GALNTL6: variants seen among roughly 807,000 people sequenced by gnomAD.
GALNTL6 encodes the protein polypeptide N-acetylgalactosaminyltransferase-like 6.
GALNTL6 carries 46 observed loss-of-function variants against 73.7 expected under a neutral mutation model. The observed-to-expected ratio is 0.62, with a 90% confidence interval of 0.49 to 0.80. GALNTL6 has a LOEUF of 0.80. Ranked by LOEUF, GALNTL6 falls within the 30% of genes least tolerant of loss-of-function variation. GALNTL6 has a pLI of 0.00. For synonymous variants in GALNTL6, 259 were observed against 263.7 expected (o/e 0.98, Z 0.17); for missense variants, 604 against 755.0 (o/e 0.80, Z 2.34).
intron 2 of GALNTL6, among the ~76,000 whole-genome samples, chr4:172,077,892 C>T (rs1030294800): frequency 6.6e-6 from 1 of 152,144 alleles, no homozygotes; most frequent in Non-Finnish European, 1.5e-5. Flanking sequence ...GGGCCAGGCC[C>T]AGGGCTCAGG....
intron 3 of GALNTL6, chr4:172,266,457 T>C (rs1738455284): frequency 6.6e-6 from 1 of 152,112 alleles, no homozygotes; most frequent in Non-Finnish European, 1.5e-5. Context: ...TCTACTTATA[T>C]TTCAGCAACT....
At chr4:172,892,369 T>C (rs1208510724) in intron 8 of GALNTL6, among the ~76,000 whole-genome samples, 1 of 152,156 alleles carries the variant, frequency 6.6e-6, no homozygotes, top group East Asian at 1.9e-4. Flanking sequence ...GTATAGTTGA[T>C]TGTCTTCATT....
At chr4:172,177,113 A>G (rs6553614) in intron 2 of GALNTL6, among the ~76,000 whole-genome samples, 65,947 of 151,980 alleles carry the variant, frequency 0.43, 15,063 homozygotes, top group African/African-American at 0.58. Flanking sequence ...GGCAACAAGA[A>G]GGAAGTAGTC....
chr4:171,828,245 T>C (rs1734876256), intron 2 of GALNTL6, among the ~76,000 whole-genome samples: 2 of 152,200 alleles, frequency 1.3e-5, no homozygotes, highest in Admixed American at 6.5e-5. Context: ...GAGCATCTGC[T>C]TAAAACACTG....
At chr4:172,206,814 G>GTTTTTTTTTTTTT (rs796625697) in intron 2 of GALNTL6, among the ~76,000 whole-genome samples, 7 of 57,964 alleles carry the variant, frequency 1.2e-4, no homozygotes, top group African/African-American at 3.5e-4. Context: ...TGTTTTTTTT[G>GTTTTTTTTTTTTT]TTTGTTTTTT....
Position 173,041,465 on chromosome 4 carries a change from T to G in GALNTL6, c.*1365T>G, listed in dbSNP as rs1250857767. On this transcript the variant is annotated 3_prime_UTR_variant, in exon 13 of 13. Coordinates refer to ENST00000506823, the MANE Select transcript of GALNTL6 (RefSeq NM_001034845.3). ...AAAAGAATCATGTTTATTATATATC[T>G]CTCAAGTTTTTTTGGTATAAAAATG... 1 of 152,198 alleles carries G rather than the reference T, an allele frequency of 6.6e-6. No homozygotes were observed. 9.4% of individuals were successfully genotyped at this position (152,198 alleles called of 1,614,324 possible). A position where few individuals can be genotyped will look rare whatever the true frequency, so the allele number is the denominator to read the frequency against.
At chr4:172,748,910 G>C (rs1737267212) in intron 5 of GALNTL6, among the ~76,000 whole-genome samples, 1 of 150,072 alleles carries the variant, frequency 6.7e-6, no homozygotes, top group Non-Finnish European at 1.5e-5. Context: ...TGTTGTTGTT[G>C]TTGTTGTTGT....
chr4:172,245,985 C>A (rs1737644090), intron 3 of GALNTL6, among the ~76,000 whole-genome samples: 1 of 152,034 alleles, frequency 6.6e-6, no homozygotes, highest in Admixed American at 6.6e-5. Flanking sequence ...CATAGAGCAT[C>A]CTCTGGAAAG....
intron 2 of GALNTL6, among the ~76,000 whole-genome samples, chr4:172,098,876 C>T (rs1443746148): frequency 6.6e-6 from 1 of 151,964 alleles, no homozygotes; most frequent in African/African-American, 2.4e-5. Flanking sequence ...TACTCCACCC[C>T]CAAACAAATT....
chr4:172,451,742 A>G (rs1732220449), intron 5 of GALNTL6, among the ~76,000 whole-genome samples: 1 of 152,222 alleles, frequency 6.6e-6, no homozygotes, highest in Non-Finnish European at 1.5e-5. Flanking sequence ...GCAGTGGCGC[A>G]TGCCTGTAAT....
At chr4:172,097,641 C>A (rs115683698) in intron 2 of GALNTL6, among the ~76,000 whole-genome samples, 3,089 of 152,064 alleles carry the variant, frequency 0.02, 103 homozygotes, top group African/African-American at 0.069. Flanking sequence ...CTGAGGATGG[C>A]AGAGCAAAAA....
intron 2 of GALNTL6, among the ~76,000 whole-genome samples, chr4:171,840,274 G>C (rs1447674018): frequency 6.6e-6 from 1 of 152,180 alleles, no homozygotes; most frequent in Non-Finnish European, 1.5e-5. Context: ...TATCTTGACT[G>C]TTAACAGTAC....
chr4:171,898,453 A>C (rs904918819), intron 2 of GALNTL6, among the ~76,000 whole-genome samples: 1 of 152,084 alleles, frequency 6.6e-6, no homozygotes, highest in Non-Finnish European at 1.5e-5. Flanking sequence ...AGAGACACAA[A>C]TATCCATCAG....
At chr4:171,825,347 G>A (rs1224112474) in intron 2 of GALNTL6, among the ~76,000 whole-genome samples, 1 of 152,038 alleles carries the variant, frequency 6.6e-6, no homozygotes, top group Non-Finnish European at 1.5e-5. Flanking sequence ...GGAAAGACAG[G>A]GGAATGGAAA....
At chr4:172,917,078 C>T (rs556056344) in intron 8 of GALNTL6, among the ~76,000 whole-genome samples, 90 of 152,260 alleles carry the variant, frequency 5.9e-4, no homozygotes, top group African/African-American at 2.1e-3. Flanking sequence ...GAACAGAGCC[C>T]TCAGAAATAA....
intron 2 of GALNTL6, among the ~76,000 whole-genome samples, chr4:172,055,648 TGCTAGGCTTTAAG>T (rs1730999700): frequency 1.3e-5 from 2 of 152,142 alleles, no homozygotes; most frequent in African/African-American, 4.8e-5. Flanking sequence ...TGGGAAAACC[TGCTAGGCTTTAAG>T]CTGAGCTCTG....
At chr4:172,010,210 A>G (rs1031061355) in intron 2 of GALNTL6, among the ~76,000 whole-genome samples, 2 of 152,112 alleles carry the variant, frequency 1.3e-5, no homozygotes, top group Admixed American at 6.6e-5. Flanking sequence ...ATACAGTAAT[A>G]AAAGCACCAG....
chr4:172,857,141 C>T (rs1744160953), intron 7 of GALNTL6, among the ~76,000 whole-genome samples: 1 of 152,224 alleles, frequency 6.6e-6, no homozygotes, highest in South Asian at 2.1e-4. Flanking sequence ...TCACTGTCAC[C>T]ATGTAATTGC....
intron 8 of GALNTL6, among the ~76,000 whole-genome samples, chr4:172,927,080 T>G (rs1391761196): frequency 3.3e-5 from 5 of 152,202 alleles, no homozygotes; most frequent in Non-Finnish European, 7.3e-5. Context: ...CATTTAATGA[T>G]TCTACCATCT....
Sources: allele counts gnomAD v4.1 joint callset (sites outside exome capture counted in the v4.1 genomes callset), GRCh38; gene constraint gnomAD v4.1.1; transcripts MANE v1.5; gene names NCBI Gene and HGNC (gene_info 2026-07-23, HGNC 2026-07-21).